Variants in ABI2 observed in about 807,000 individuals in gnomAD.
ABI2 encodes abelson interactor 2.
In ABI2, 25 loss-of-function variants were observed where a neutral mutation model predicts 59.2. The ratio of observed to expected loss-of-function variants is 0.42; its 90% CI spans 0.31 to 0.59. The LOEUF is 0.59. Ranked by LOEUF, ABI2 falls within the 20% of genes least tolerant of loss-of-function variation. ABI2 has a pLI of 0.14. For missense variants in ABI2, 545 were observed against 681.8 expected (o/e 0.80, Z 2.23); for synonymous variants, 213 against 235.5 (o/e 0.90, Z 0.87).
intron 1 of ABI2, among the ~76,000 whole-genome samples, chr2:203,361,685 C>T (rs1193179138): frequency 1.3e-5 from 2 of 152,150 alleles, no homozygotes; most frequent in Non-Finnish European, 2.9e-5. Flanking sequence ...CTGTTTTCAA[C>T]CAGACAGTTC....
chr2:203,365,890 A>G (rs547285598), intron 1 of ABI2, among the ~76,000 whole-genome samples: 13 of 152,006 alleles, frequency 8.6e-5, no homozygotes, highest in Admixed American at 5.2e-4. Context: ...CAGCCTCACA[A>G]AGAGCTGGGA....
intron 1 of ABI2, among the ~76,000 whole-genome samples, chr2:203,363,287 C>T (rs1447687987): frequency 6.6e-6 from 1 of 151,948 alleles, no homozygotes; most frequent in African/African-American, 2.4e-5. Context: ...AAACATTTAC[C>T]CTTTGTATTA....
At chr2:203,331,903 G>A (rs1347670411) in intron 1 of ABI2, among the ~76,000 whole-genome samples, 5 of 150,778 alleles carry the variant, frequency 3.3e-5, no homozygotes, top group Admixed American at 6.6e-5. Context: ...TTCGTCCCCC[G>A]GGTTCAAGTG....
chr2:203,409,857 T>C (rs78732489), intron 9 of ABI2, among the ~76,000 whole-genome samples: 5,711 of 152,286 alleles, frequency 0.038, 347 homozygotes, highest in African/African-American at 0.13. Context: ...CAGGAAATGA[T>C]GGATCAGAGA....
At chr2:203,422,249 C>T (rs1257259618) in intron 11 of ABI2, among the ~76,000 whole-genome samples, 1 of 103,296 alleles carries the variant, frequency 9.7e-6, no homozygotes. Context: ...CAGTGAGCTG[C>T]GATTGCACCA....
chr2:203,385,053 T>G (rs1160106697), intron 4 of ABI2, among the ~76,000 whole-genome samples: 1 of 151,674 alleles, frequency 6.6e-6, no homozygotes, highest in East Asian at 1.9e-4. Flanking sequence ...CAGGTTGGTC[T>G]CAAACTCCTG....
Position 203,389,919 on chromosome 2 carries a change from G to C in ABI2, c.481-1127G>C, listed in dbSNP as rs139557667. Among the ~76,000 whole-genome samples, 905 of 152,256 alleles carry C rather than the reference G, an allele frequency of 5.9e-3. 8 individuals carry two copies. Among genetic ancestry groups the C allele is most frequent in the African/African-American group, 0.021 (872 of 41,540 alleles). On this transcript the variant is annotated intron_variant, in intron 4 of 11. Coordinates refer to ENST00000261018, the MANE Select transcript of ABI2 (RefSeq NM_001375670.1). ...TTTCCTACACTTGCATTTTCAGTTGGGGATAGAATAGTGAGTGGAGTTACG... is the reference window on the plus strand; with the variant it reads ...TTTCCTACACTTGCATTTTCAGTTGCGGATAGAATAGTGAGTGGAGTTACG...
intron 5 of ABI2, among the ~76,000 whole-genome samples, 190 bp downstream of exon 5, chr2:203,391,333 TTG>T (rs1270540735): frequency 6.6e-6 from 1 of 152,224 alleles, no homozygotes; most frequent in Non-Finnish European, 1.5e-5. Context: ...TGTTTAGAAA[TTG>T]TTTTTCTAGT....
intron 4 of ABI2, among the ~76,000 whole-genome samples, chr2:203,384,311 T>G (rs796201753): frequency 7.1e-4 from 84 of 118,964 alleles, no homozygotes; most frequent in South Asian, 2.7e-3. Flanking sequence ...TTTTTTTTTT[T>G]TTTTTTTTTT....
chr2:203,343,449 GTTTT>G (rs200363290), intron 1 of ABI2, among the ~76,000 whole-genome samples: 2 of 151,412 alleles, frequency 1.3e-5, no homozygotes, highest in Non-Finnish European at 2.9e-5. Flanking sequence ...TATATTCCAG[GTTTT>G]TTTTTCCTTC....
intron 10 of ABI2, among the ~76,000 whole-genome samples, chr2:203,414,288 G>C (rs868394544): frequency 1.3e-5 from 2 of 152,020 alleles, no homozygotes; most frequent in Non-Finnish European, 2.9e-5. Flanking sequence ...TTTTAGTAGA[G>C]ACGGGGTTTC....
chr2:203,372,380 T>TC (rs1241721631), intron 2 of ABI2, among the ~76,000 whole-genome samples: 10 of 151,880 alleles, frequency 6.6e-5, no homozygotes, highest in East Asian at 1.9e-4. Flanking sequence ...TCCCCACCTT[T>TC]CCCCCCTTTC....
intron 4 of ABI2, among the ~76,000 whole-genome samples, chr2:203,385,529 A>G (rs1343410072): frequency 6.6e-6 from 1 of 152,224 alleles, no homozygotes; most frequent in African/African-American, 2.4e-5. Context: ...TTGAAGATCC[A>G]TCATTTAGCC....
chr2:203,407,996 A>G (rs2097503106), intron 9 of ABI2, among the ~76,000 whole-genome samples: 1 of 152,186 alleles, frequency 6.6e-6, no homozygotes, highest in Non-Finnish European at 1.5e-5. Context: ...CGACCACCTT[A>G]TTAAAGGTTT....
At chr2:203,328,934 T>G in intron 1 of ABI2, 1 of 243,974 alleles carries the variant, frequency 4.1e-6, no homozygotes, top group Non-Finnish European at 7.8e-6. Flanking sequence ...GCGTTCCGGA[T>G]GGCGGAGGGG....
At chr2:203,354,837 T>C (rs1282313717) in intron 1 of ABI2, among the ~76,000 whole-genome samples, 1 of 152,218 alleles carries the variant, frequency 6.6e-6, no homozygotes, top group African/African-American at 2.4e-5. Flanking sequence ...ATATGCTATC[T>C]TAGTATCTTC....
rs567644864 is a variant in ABI2 at position 203,412,654 on chromosome 2, G to A, written c.1279+1283G>A. On this transcript the variant is annotated intron_variant, in intron 10 of 11. Transcript: ENST00000261018. ...TGTTTTAAATTATGCTATTGGGGCC[G>A]ACTCTTCTTTAGCTTGGGTGTGACC... Among the ~76,000 whole-genome samples, 16 of 152,220 alleles carry A rather than the reference G, an allele frequency of 1.1e-4. 1 individual carries two copies. In the South Asian group the frequency reaches 2.5e-3, roughly 24 times the overall value.
intron 9 of ABI2, among the ~76,000 whole-genome samples, chr2:203,408,676 CT>C (rs1348857866): frequency 1.3e-5 from 2 of 151,456 alleles, no homozygotes; most frequent in South Asian, 2.1e-4. Flanking sequence ...AAATTTCCCA[CT>C]TTTCTGTTAC....
intron 8 of ABI2, among the ~76,000 whole-genome samples, chr2:203,401,797 C>G (rs918567267): frequency 1.3e-5 from 2 of 151,980 alleles, no homozygotes; most frequent in Admixed American, 6.6e-5. Context: ...TGAAATACTT[C>G]ATTTTCCTTT....
Sources: gnomAD v4.1 joint callset for allele counts (sites outside exome capture counted in the v4.1 genomes callset) on GRCh38, gnomAD v4.1.1 for gene constraint, MANE v1.5 for transcripts, NCBI Gene and HGNC (gene_info 2026-07-23, HGNC 2026-07-21) for gene names.